Variants in ECE1 observed in about 807,000 individuals in gnomAD.
The protein encoded by ECE1 is endothelin-converting enzyme 1.
In ECE1, 35 loss-of-function variants were observed where a neutral mutation model predicts 98.6. That is an observed-to-expected ratio of 0.35 (90% confidence interval 0.27 to 0.47). The LOEUF (loss-of-function observed/expected upper bound fraction) is 0.47. Ranked by LOEUF, ECE1 falls within the 20% of genes least tolerant of loss-of-function variation. The pLI is 1.00. For missense variants in ECE1, 814 were observed against 1,025.3 expected, an observed-to-expected ratio of 0.79 and a Z score of 2.81; for synonymous variants, 394 against 407.1, an observed-to-expected ratio of 0.97 and a Z score of 0.39.
chr1:21,286,672 C>T (rs552259608), intron 2 of ECE1, among the ~76,000 whole-genome samples: 1 of 152,278 alleles, frequency 6.6e-6, no homozygotes, highest in South Asian at 2.1e-4. Context: ...TGGCTGTAAT[C>T]CCAGCCCTTT....
chr1:21,238,775 C>T (rs1349789001), intron 10 of ECE1, among the ~76,000 whole-genome samples: 1 of 152,142 alleles, frequency 6.6e-6, no homozygotes, highest in Non-Finnish European at 1.5e-5. Flanking sequence ...TGAAGATCTC[C>T]TCAAATGAGA....
intron 3 of ECE1, among the ~76,000 whole-genome samples, chr1:21,274,924 T>C (rs1450227370): frequency 6.6e-6 from 1 of 152,156 alleles, no homozygotes; most frequent in South Asian, 2.1e-4. Flanking sequence ...AATCAAATCA[T>C]CTTAATCACA....
chr1:21,294,774 G>A (rs1638305555), upstream of ECE1, among the ~76,000 whole-genome samples: 1 of 152,164 alleles, frequency 6.6e-6, no homozygotes, highest in South Asian at 2.1e-4. The surrounding 1 kb of genome is among the most constrained non-coding windows in gnomAD (Gnocchi z 4.2). Flanking sequence ...AGTCATCTTG[G>A]GGTGATGAGG....
At position 21,290,329 on chromosome 1, in the gene ECE1, TCCCGCC is replaced by T; in HGVS notation, c.51+29_51+34del. 3 of 1,061,236 alleles carry T rather than the reference TCCCGCC, an allele frequency of 2.8e-6. No homozygotes were observed. The highest frequency in any genetic ancestry group is 3.4e-6 in the Non-Finnish European group (3 of 873,656). The allele number at this position is 1,061,236 out of a possible 1,614,324, so 65.7% of individuals were successfully genotyped here. On this transcript the variant is annotated intron_variant, in intron 1 of 18. Transcript: ENST00000374893. This position sits in a 1 kb window ranked among gnomAD's most constrained non-coding sequence, Gnocchi z 7.3. Reference sequence around the variant, plus strand: ...CGCGCGGGGAGGGGTCCCGCCCGCCTCCCGCCCCCGCCCTCCAGGCCGCGCCCGCCT... The same window carrying T: ...CGCGCGGGGAGGGGTCCCGCCCGCCTCCCGCCCTCCAGGCCGCGCCCGCCT...
intron 3 of ECE1, among the ~76,000 whole-genome samples, chr1:21,273,338 CGTGTGTGCGT>C (rs1187754573): frequency 3.3e-5 from 4 of 122,230 alleles, no homozygotes; most frequent in Non-Finnish European, 7.0e-5. Flanking sequence ...TGTGCCCGTG[CGTGTGTGCGT>C]GTGTGTGTGT....
chr1:21,317,818 A>G (rs3026833), intron 1 of ECE1, among the ~76,000 whole-genome samples: 10,155 of 152,286 alleles, frequency 0.067, 1,161 homozygotes, highest in African/African-American at 0.23. Context: ...AGAGCTGTGC[A>G]GGCTCAGACA....
rs1301662126 is a variant in ECE1 at position 21,232,602 on chromosome 1, G to A, written c.1670+956C>T. Among the ~76,000 whole-genome samples the A allele has an allele frequency of 2.0e-5, 3 of 152,004 alleles. No homozygotes were observed. In the East Asian group the frequency reaches 5.8e-4, roughly 29 times the overall value. The stretch of plus-strand genomic sequence containing the variant: ...GCCTGAGCTACTGTGATTGACCTGA[G>A]GAGACAGTAATAAAAAGGACAAAGA... On this transcript the variant is annotated intron_variant, in intron 14 of 18. Coordinates refer to ENST00000374893, the MANE Select transcript of ECE1 (RefSeq NM_001397.3).
At chr1:21,341,002 C>T (rs560015255) in intron 1 of ECE1, among the ~76,000 whole-genome samples, 27 of 152,184 alleles carry the variant, frequency 1.8e-4, no homozygotes, top group African/African-American at 5.5e-4. Context: ...GAAGGCACAG[C>T]GGTCTGTACT....
chr1:21,241,031 C>T (rs2098195480), intron 10 of ECE1, among the ~76,000 whole-genome samples: 1 of 152,224 alleles, frequency 6.6e-6, no homozygotes, highest in Non-Finnish European at 1.5e-5. Context: ...ATGCCCAGAA[C>T]ATCCAGTGAG....
intron 1 of ECE1, among the ~76,000 whole-genome samples, chr1:21,306,968 C>T (rs765799669): frequency 6.6e-6 from 1 of 152,160 alleles, no homozygotes; most frequent in Admixed American, 6.5e-5. Context: ...TTTATACTCC[C>T]GGCCCAGTGC....
At chr1:21,261,707 G>A (rs770984166) in intron 4 of ECE1, among the ~76,000 whole-genome samples, 3 of 152,158 alleles carry the variant, frequency 2.0e-5, no homozygotes, top group Non-Finnish European at 2.9e-5. Context: ...CACAAGACAC[G>A]ACAGTGCTAT....
intron 3 of ECE1, among the ~76,000 whole-genome samples, chr1:21,277,419 C>A (rs1410879872): frequency 6.6e-6 from 1 of 152,224 alleles, no homozygotes; most frequent in African/African-American, 2.4e-5. Context: ...GGCCAGCTCC[C>A]GCTGCTCTGA....
At chr1:21,285,733 T>G (rs1349323533) in intron 2 of ECE1, among the ~76,000 whole-genome samples, 1 of 147,692 alleles carries the variant, frequency 6.8e-6, no homozygotes, top group African/African-American at 2.5e-5. Flanking sequence ...GGCTCATGCC[T>G]GCAATCCCAG....
At chr1:21,294,009 C>A (rs213050), upstream of ECE1, 16,057 of 152,498 alleles carry the variant, frequency 0.11, 1,158 homozygotes, top group East Asian at 0.43. This position sits in a 1 kb window ranked among gnomAD's most constrained non-coding sequence, Gnocchi z 4.2. Context: ...GGAGAAAGGA[C>A]CTCCCCCCAG....
intron 16 of ECE1, 133 bp downstream of exon 16, chr1:21,227,026 A>T: frequency 2.9e-5 from 22 of 769,854 alleles, no homozygotes; most frequent in Non-Finnish European, 4.2e-5. Flanking sequence ...GCACAGCCTA[A>T]TTTTTTTTTT....
Position 21,319,653 on chromosome 1 carries a change from G to A in ECE1, c.3+25723C>T, listed in dbSNP as rs1638917922. 6.6e-6 allele frequency among the ~76,000 whole-genome samples: 1 copy of A among 152,082 alleles called. No homozygotes were observed. The highest frequency in any genetic ancestry group is 2.1e-4 in the South Asian group (1 of 4,808). On this transcript the variant is annotated intron_variant, in intron 1 of 18. Coordinates refer to the ECE1 transcript ENST00000415912. This position sits in a 1 kb window ranked among gnomAD's most constrained non-coding sequence, Gnocchi z 4.4. ...GGCAGGAAAGCCAGGCTCCATCCCT[G>A]TCCAACTCTCCTCAGCCTCTCCTGA...
At chr1:21,221,875 C>T in intron 17 of ECE1, 33 bp from the exon 18 acceptor site, 1 of 1,601,606 alleles carries the variant, frequency 6.2e-7, no homozygotes, top group Non-Finnish European at 8.6e-7. Flanking sequence ...CTCAGGGGTT[C>T]CCATGGCAGG....
intron 1 of ECE1, among the ~76,000 whole-genome samples, chr1:21,343,642 A>G (rs1639443324): frequency 6.6e-6 from 1 of 152,228 alleles, no homozygotes; most frequent in Non-Finnish European, 1.5e-5. Context: ...ACTGAAACTC[A>G]AGGGTGATGC....
Position 21,290,031 on chromosome 1 carries a change from G to C in ECE1, c.138+39C>G, listed in dbSNP as rs778552434. On this transcript the variant is annotated intron_variant, in intron 2 of 18. Coordinates refer to ENST00000374893, the MANE Select transcript of ECE1 (RefSeq NM_001397.3). The surrounding 1 kb of genome is among the most constrained non-coding windows in gnomAD (Gnocchi z 7.3). ...AGCGGCAGCGCGCATGCCCGGGCCC[G>C]GGGCGCCTGGACCTCGGGAGGGAGC... 5.1e-5 allele frequency: 60 copies of C among 1,177,248 alleles called. No individual in the cohort carries two copies. In the African/African-American group the frequency reaches 9.0e-4, roughly 18 times the overall value. 72.9% of individuals were successfully genotyped at this position (1,177,248 alleles called of 1,614,324 possible).
Sources: gnomAD v4.1 joint callset for allele counts (sites outside exome capture counted in the v4.1 genomes callset) on GRCh38, gnomAD v4.1.1 for gene constraint, Gnocchi (gnomAD v3.1) non-coding constraint, MANE v1.5 for transcripts, NCBI Gene and HGNC (gene_info 2026-07-23, HGNC 2026-07-21) for gene names.